TMEM132D: variants seen among roughly 807,000 people sequenced by gnomAD.
TMEM132D encodes mature OL transmembrane protein.
In TMEM132D, 21 loss-of-function variants were observed where a neutral mutation model predicts 62.3. That is an observed-to-expected ratio of 0.34 (90% CI 0.24 to 0.49). The LOEUF (loss-of-function observed/expected upper bound fraction) is 0.49. Among genes scored for constraint, TMEM132D ranks in the 20% least tolerant of loss-of-function variants. The pLI is 0.99. For synonymous variants in TMEM132D, 621 were observed against 575.6 expected, an observed-to-expected ratio of 1.08 and a Z score of -1.13; for missense variants, 1,346 against 1,402.8, an observed-to-expected ratio of 0.96 and a Z score of 0.65.
chr12:129,691,687 C>T lies in TMEM132D; in HGVS notation c.968+8123G>A, dbSNP rs149727778. On this transcript the variant is annotated intron_variant, in intron 2 of 8. Transcript: ENST00000422113. Reference sequence around the variant, plus strand: ...ATATGTTAATTAGCTAAGTATTCCACATTGTATTCATAAACCATAATATCA... The same window carrying T: ...ATATGTTAATTAGCTAAGTATTCCATATTGTATTCATAAACCATAATATCA... Among the ~76,000 whole-genome samples, 97 of 152,104 alleles carry T rather than the reference C, an allele frequency of 6.4e-4. No individual in the cohort carries two copies. In the East Asian group the frequency reaches 0.017, roughly 27 times the overall value.
At chr12:129,435,629 C>T (rs763240691) in intron 3 of TMEM132D, among the ~76,000 whole-genome samples, 4 of 152,120 alleles carry the variant, frequency 2.6e-5, no homozygotes, top group African/African-American at 7.2e-5. Flanking sequence ...TTCTGCAGTA[C>T]GATGTTTACC....
chr12:129,616,173 T>C (rs1244605930), intron 2 of TMEM132D, among the ~76,000 whole-genome samples: 5 of 152,232 alleles, frequency 3.3e-5, no homozygotes, highest in Non-Finnish European at 5.9e-5. Context: ...GATGCCATAA[T>C]GCCAGAAAAC....
At chr12:129,269,865 G>A (rs1880805283) in intron 4 of TMEM132D, among the ~76,000 whole-genome samples, 1 of 152,114 alleles carries the variant, frequency 6.6e-6, no homozygotes, top group South Asian at 2.1e-4. Flanking sequence ...TAGTAAAAAC[G>A]TGGGAACAGG....
At chr12:129,548,978 C>T (rs1185431241) in intron 2 of TMEM132D, among the ~76,000 whole-genome samples, 3 of 152,244 alleles carry the variant, frequency 2.0e-5, no homozygotes, top group Admixed American at 6.5e-5. Flanking sequence ...TCACATCACT[C>T]GTTGGGTGAG....
rs532438614 is a variant in TMEM132D, at chr12:129,517,297, G to T, written c.1115+13762C>A. On this transcript the variant is annotated intron_variant, in intron 3 of 8. Transcript: ENST00000422113. The stretch of plus-strand genomic sequence containing the variant: ...CCCTTAGCATTAGGAGAATCAAGTT[G>T]GTTAAATTGAAACAAGCTCTAGGTA... 1.9e-4 allele frequency among the ~76,000 whole-genome samples: 29 copies of T among 152,236 alleles called. No individual in the cohort carries two copies. In the South Asian group the frequency reaches 6.0e-3, roughly 32 times the overall value.
intron 1 of TMEM132D, among the ~76,000 whole-genome samples, chr12:129,708,043 C>A (rs1391221113): frequency 1.3e-5 from 2 of 151,994 alleles, no homozygotes; most frequent in Admixed American, 6.6e-5. Flanking sequence ...ATGGTGAAAG[C>A]CTGTCTCTAC....
intron 3 of TMEM132D, among the ~76,000 whole-genome samples, chr12:129,418,693 A>G (rs10847867): frequency 0.66 from 100,020 of 151,826 alleles, 33,139 homozygotes; most frequent in East Asian, 0.76. Context: ...AAACCTGCAC[A>G]TTCTGCACAT....
chr12:129,736,069 C>T (rs1352082514), intron 1 of TMEM132D, among the ~76,000 whole-genome samples: 1 of 152,198 alleles, frequency 6.6e-6, no homozygotes, highest in Admixed American at 6.5e-5. Context: ...GAATGTACAT[C>T]CTCATCTCGC....
chr12:129,786,043 A>C (rs1169395772), intron 1 of TMEM132D, among the ~76,000 whole-genome samples: 2 of 152,204 alleles, frequency 1.3e-5, no homozygotes, highest in East Asian at 3.8e-4. Flanking sequence ...TGGCTACTCA[A>C]ATGACTGTGT....
At chr12:129,676,928 T>C (rs1051170916) in intron 2 of TMEM132D, among the ~76,000 whole-genome samples, 1 of 152,152 alleles carries the variant, frequency 6.6e-6, no homozygotes, top group Non-Finnish European at 1.5e-5. Context: ...CATTCAACTA[T>C]CCTATCCCGC....
intron 5 of TMEM132D, among the ~76,000 whole-genome samples, chr12:129,117,360 G>A (rs1441940720): frequency 6.6e-6 from 1 of 152,118 alleles, no homozygotes; most frequent in Non-Finnish European, 1.5e-5. Context: ...GTAAATGCAT[G>A]TCATTACGTA....
chr12:129,614,914 A>C (rs1416572653), intron 2 of TMEM132D, among the ~76,000 whole-genome samples: 2 of 152,156 alleles, frequency 1.3e-5, no homozygotes, highest in African/African-American at 4.8e-5. Flanking sequence ...TGCCCTGAGA[A>C]TCTTCCATTT....
At chr12:129,879,171 C>T (rs773902966) in intron 1 of TMEM132D, among the ~76,000 whole-genome samples, 37 of 152,092 alleles carry the variant, frequency 2.4e-4, no homozygotes, top group Non-Finnish European at 5.0e-4. Context: ...AAAATCAATC[C>T]CAGACATAAG....
At chr12:129,112,175 A>G (rs1381584345) in intron 5 of TMEM132D, among the ~76,000 whole-genome samples, 1 of 152,240 alleles carries the variant, frequency 6.6e-6, no homozygotes, top group Non-Finnish European at 1.5e-5. Context: ...CTTGCAAATG[A>G]GGATTCTAAC....
At chr12:129,499,182 C>T (rs1875050778) in intron 3 of TMEM132D, among the ~76,000 whole-genome samples, 1 of 152,126 alleles carries the variant, frequency 6.6e-6, no homozygotes, top group Non-Finnish European at 1.5e-5. Context: ...AAACAAAAAA[C>T]ATATGCAAAA....
At chr12:129,364,145 T>G (rs1870333596) in intron 3 of TMEM132D, among the ~76,000 whole-genome samples, 1 of 152,212 alleles carries the variant, frequency 6.6e-6, no homozygotes, top group Admixed American at 6.5e-5. Flanking sequence ...ATGTAGTGGT[T>G]GAGTAAATGG....
At chr12:129,578,458 AATAAT>A in intron 2 of TMEM132D, among the ~76,000 whole-genome samples, 1 of 149,938 alleles carries the variant, frequency 6.7e-6, no homozygotes, top group Non-Finnish European at 1.5e-5. Context: ...ATATATGACT[AATAAT>A]ATTATATATA....
chr12:129,902,832 G>A (rs928915200), intron 1 of TMEM132D, among the ~76,000 whole-genome samples: 1 of 152,048 alleles, frequency 6.6e-6, no homozygotes, highest in Non-Finnish European at 1.5e-5. Flanking sequence ...TTCCAAATAG[G>A]TCAGTGCCAC....
intron 3 of TMEM132D, among the ~76,000 whole-genome samples, chr12:129,488,488 C>T (rs986725471): frequency 6.6e-6 from 1 of 152,118 alleles, no homozygotes. Flanking sequence ...GCCTGGGCAA[C>T]ATGACAAAAC....
Sources: allele counts gnomAD v4.1 joint callset (sites outside exome capture counted in the v4.1 genomes callset), GRCh38; gene constraint gnomAD v4.1.1; transcripts MANE v1.5; gene names NCBI Gene and HGNC (gene_info 2026-07-23, HGNC 2026-07-21).